The following RAB22A variants were observed in gnomAD, a reference collection of about 807,000 sequenced individuals.
The protein encoded by RAB22A is RAB22A, member RAS oncogene family, also known as ras-related protein Rab-22A.
Under a neutral mutation model 30.2 loss-of-function variants are expected in RAB22A, and 13 were observed. That is an observed-to-expected ratio of 0.43 (90% CI 0.28 to 0.68). The LOEUF is 0.68. Among genes scored for constraint, RAB22A ranks in the 30% least tolerant of loss-of-function variants. The pLI, the probability that RAB22A is intolerant of heterozygous loss-of-function variation, is 0.18. For synonymous variants in RAB22A, 89 were observed against 87.2 expected (o/e 1.02, Z -0.11); for missense variants, 177 against 246.8 (o/e 0.72, Z 1.89).
chr20:58,309,849 A>C lies in RAB22A; in HGVS notation c.-128A>C. ...GACCTACGGCCGGAGGACGGGCGGCAGCCGCCTCTGCGCGGACCGGGGCTG... is the reference window on the plus strand; with the variant it reads ...GACCTACGGCCGGAGGACGGGCGGCCGCCGCCTCTGCGCGGACCGGGGCTG... On this transcript the variant is annotated 5_prime_UTR_variant, in exon 1 of 7. Coordinates refer to ENST00000244040, the MANE Select transcript of RAB22A (RefSeq NM_020673.3). The C allele has an allele frequency of 1.1e-6, 1 of 934,088 alleles. No individual in the cohort carries two copies. The highest frequency in any genetic ancestry group is 1.4e-6 in the Non-Finnish European group (1 of 708,760). 57.9% of individuals were successfully genotyped at this position (934,088 alleles called of 1,614,324 possible).
At chr20:58,317,645 G>A (rs1018878012) in intron 2 of RAB22A, among the ~76,000 whole-genome samples, 14 of 141,336 alleles carry the variant, frequency 9.9e-5, no homozygotes, top group Admixed American at 1.5e-4. Context: ...TGCAAGCTCC[G>A]CCTCCCGGGT....
chr20:58,328,906 T>C (rs1986614375), intron 2 of RAB22A, among the ~76,000 whole-genome samples: 1 of 152,196 alleles, frequency 6.6e-6, no homozygotes, highest in South Asian at 2.1e-4. Flanking sequence ...TTACCATTGC[T>C]CTTCATTCCT....
chr20:58,354,128 T>G, intron 5 of RAB22A, 28 bp from the exon 6 acceptor site: 1 of 1,530,630 alleles, frequency 6.5e-7, no homozygotes, highest in Admixed American at 1.7e-5. Context: ...ATGGGTAGAA[T>G]TTCTGATATG....
intron 6 of RAB22A, among the ~76,000 whole-genome samples, chr20:58,358,569 A>G (rs924278211): frequency 6.6e-6 from 1 of 152,178 alleles, no homozygotes; most frequent in Non-Finnish European, 1.5e-5. Context: ...ATGGTGGTAC[A>G]TCTACAAATG....
At chr20:58,338,776 T>C (rs1986805965) in intron 2 of RAB22A, among the ~76,000 whole-genome samples, 1 of 152,220 alleles carries the variant, frequency 6.6e-6, no homozygotes, top group Non-Finnish European at 1.5e-5. Flanking sequence ...CTTCTAGATG[T>C]CATGTGCCTT....
intron 2 of RAB22A, among the ~76,000 whole-genome samples, chr20:58,312,789 C>T (rs944205050): frequency 6.6e-6 from 1 of 152,056 alleles, no homozygotes; most frequent in African/African-American, 2.4e-5. Context: ...CGTGCCTGGC[C>T]GCCTATCTGC....
In RAB22A at chr20:58,338,587, C is replaced by T. The variant is rs1472266040; in HGVS notation, c.117-5131C>T. 3.3e-5 allele frequency among the ~76,000 whole-genome samples: 5 copies of T among 152,134 alleles called. No homozygotes were observed. The East Asian group carries it at 9.7e-4, about 29-fold the overall frequency. On this transcript the variant is annotated intron_variant, in intron 2 of 6. Transcript: ENST00000244040. ...AAGGTGTGTGTGACTATGGAATGCA[C>T]ACAATACTTCACTGAATTTATGGAT...
intron 2 of RAB22A, among the ~76,000 whole-genome samples, chr20:58,341,310 GCAGA>G (rs1161478688): frequency 3.3e-5 from 5 of 152,206 alleles, no homozygotes; most frequent in African/African-American, 4.8e-5. Flanking sequence ...CGCATGCCCA[GCAGA>G]CAAAGCGTAG....
chr20:58,329,742 AT>A (rs1432830674), intron 2 of RAB22A, among the ~76,000 whole-genome samples: 1 of 152,212 alleles, frequency 6.6e-6, no homozygotes, highest in Admixed American at 6.5e-5. Context: ...ACTGCTAGAT[AT>A]TATACCACAG....
At chr20:58,312,326 A>T (rs1986243662) in intron 2 of RAB22A, among the ~76,000 whole-genome samples, 1 of 132,738 alleles carries the variant, frequency 7.5e-6, no homozygotes, top group African/African-American at 2.9e-5. Flanking sequence ...TGGCACAATC[A>T]TGGCTCACTG....
chr20:58,361,837 A>C lies in RAB22A; in HGVS notation c.*2134A>C, dbSNP rs1987232712. 1 of 151,874 alleles carries C rather than the reference A, an allele frequency of 6.6e-6. No individual in the cohort carries two copies. Among genetic ancestry groups the C allele is most frequent in the African/African-American group, 2.4e-5 (1 of 41,318 alleles). The allele number at this position is 151,874 out of a possible 1,614,324, so 9.4% of individuals were successfully genotyped here. On this transcript the variant is annotated 3_prime_UTR_variant, in exon 7 of 7. Transcript: ENST00000244040. ...CCACACCCACCAGTAGCTGTTGGTGATTGCATGGTGTCTCGGTGCATGGGG... is the reference window on the plus strand; with the variant it reads ...CCACACCCACCAGTAGCTGTTGGTGCTTGCATGGTGTCTCGGTGCATGGGG...
At chr20:58,312,493 TTTTTTTTTTTTTTG>T (rs1986249243) in intron 2 of RAB22A, among the ~76,000 whole-genome samples, 1 of 113,388 alleles carries the variant, frequency 8.8e-6, no homozygotes, top group African/African-American at 3.5e-5. Context: ...TTTTTTTTTT[TTTTTTTTTTTTTTG>T]AGGTGGAGTC....
intron 2 of RAB22A, among the ~76,000 whole-genome samples, chr20:58,327,975 A>G (rs1305278020): frequency 6.6e-6 from 1 of 152,212 alleles, no homozygotes; most frequent in African/African-American, 2.4e-5. Context: ...TATCAGGACA[A>G]TTGGCAGAAC....
intron 2 of RAB22A, among the ~76,000 whole-genome samples, chr20:58,326,726 G>C (rs1986576296): frequency 6.6e-6 from 1 of 152,022 alleles, no homozygotes; most frequent in Non-Finnish European, 1.5e-5. Context: ...AACTTAATAT[G>C]GAGTCTTGTA....
rs1179560847 is a variant in RAB22A, at chr20:58,361,981, T to A, written c.*2278T>A. 6.6e-6 allele frequency: 1 copy of A among 152,172 alleles called. No homozygotes were observed. The highest frequency in any genetic ancestry group is 1.5e-5 in the Non-Finnish European group (1 of 68,028). 9.4% of individuals were successfully genotyped at this position (152,172 alleles called of 1,614,324 possible). ...GTCCATCTCATCAGCCCTTTGCTGA[T>A]TTCATGATTTCTCACCCTCCCTCCC... On this transcript the variant is annotated 3_prime_UTR_variant, in exon 7 of 7. Coordinates refer to ENST00000244040, the MANE Select transcript of RAB22A (RefSeq NM_020673.3).
At chr20:58,335,255 A>G (rs1029892034) in intron 2 of RAB22A, among the ~76,000 whole-genome samples, 3 of 152,214 alleles carry the variant, frequency 2.0e-5, no homozygotes, top group Admixed American at 6.5e-5. Flanking sequence ...GTATGCTGTT[A>G]TGCCGTCACC....
rs930937248 is a variant in RAB22A at position 58,365,695 on chromosome 20, T to G, written c.*5992T>G. ...TTTTTTTTTTGAGACGGAGTCTCGC[T>G]CTGTCACCCAGGCTGGAGTGTAAGG... On this transcript the variant is annotated 3_prime_UTR_variant, in exon 7 of 7. Transcript: ENST00000244040. 6.6e-6 allele frequency: 1 copy of G among 152,092 alleles called. No homozygotes were observed. The highest frequency in any genetic ancestry group is 2.4e-5 in the African/African-American group (1 of 41,328). The allele number at this position is 152,092 out of a possible 1,614,324, so 9.4% of individuals were successfully genotyped here.
At chr20:58,336,156 C>T (rs1238797907) in intron 2 of RAB22A, among the ~76,000 whole-genome samples, 1 of 151,928 alleles carries the variant, frequency 6.6e-6, no homozygotes. Flanking sequence ...ATTATAGGCG[C>T]CCACCACGAC....
intron 2 of RAB22A, among the ~76,000 whole-genome samples, chr20:58,332,324 A>G (rs1986675581): frequency 6.6e-6 from 1 of 152,216 alleles, no homozygotes; most frequent in African/African-American, 2.4e-5. Context: ...AGATGGGAAC[A>G]GTTGGGCTCT....
Sources: allele counts gnomAD v4.1 joint callset (sites outside exome capture counted in the v4.1 genomes callset), GRCh38; gene constraint gnomAD v4.1.1; transcripts MANE v1.5; gene names NCBI Gene and HGNC (gene_info 2026-07-23, HGNC 2026-07-21).